The following EPB41L1 variants were observed in gnomAD, a reference collection of about 807,000 sequenced individuals.
EPB41L1 encodes the protein erythrocyte membrane protein band 4.1 like 1, also known as band 4.1-like protein 1.
A neutral mutation model predicts 97.8 loss-of-function variants in EPB41L1; 29 were observed. That is an observed-to-expected ratio of 0.30 (90% CI 0.22 to 0.40). EPB41L1 has a LOEUF of 0.40. Ranked by LOEUF, EPB41L1 falls within the 10% of genes least tolerant of loss-of-function variation. The probability of loss-of-function intolerance (pLI) is 1.00; values close to 1 mark genes in which losing one functional copy is unlikely to be tolerated. For missense variants in EPB41L1, 812 were observed against 1,162.3 expected, an observed-to-expected ratio of 0.70 and a Z score of 4.38; for synonymous variants, 383 against 459.2, an observed-to-expected ratio of 0.83 and a Z score of 2.12.
At chr20:36,145,375 G>A (rs943065164) in intron 2 of EPB41L1, among the ~76,000 whole-genome samples, 7 of 140,188 alleles carry the variant, frequency 5.0e-5, no homozygotes, top group East Asian at 2.1e-4. Context: ...CAGCCTGGGC[G>A]ACAGAGGGAG....
At chr20:36,162,378 G>T (rs1288219532) in intron 1 of EPB41L1, among the ~76,000 whole-genome samples, 1 of 152,248 alleles carries the variant, frequency 6.6e-6, no homozygotes, top group Non-Finnish European at 1.5e-5. Flanking sequence ...CAAGTTGGAG[G>T]TCGTGGGATG....
At chr20:36,137,940 A>T (rs373288115) in intron 2 of EPB41L1, among the ~76,000 whole-genome samples, 3 of 152,242 alleles carry the variant, frequency 2.0e-5, no homozygotes, top group African/African-American at 7.2e-5. Context: ...ATTGGACTAG[A>T]TACCTCAGAT....
At chr20:36,184,906 T>C (rs1206687691) in intron 6 of EPB41L1, among the ~76,000 whole-genome samples, 1 of 152,192 alleles carries the variant, frequency 6.6e-6, no homozygotes, top group African/African-American at 2.4e-5. Flanking sequence ...TCCCTCAAAT[T>C]TAGAAATGCA....
At chr20:36,127,151 C>T (rs115315847) in intron 2 of EPB41L1, among the ~76,000 whole-genome samples, 1,597 of 152,252 alleles carry the variant, frequency 0.01, 27 homozygotes, top group African/African-American at 0.037. Flanking sequence ...GAGATGAGCT[C>T]AGAGATATGA....
At chr20:36,185,617 T>C (rs553487377) in intron 7 of EPB41L1, among the ~76,000 whole-genome samples, 3 of 152,314 alleles carry the variant, frequency 2.0e-5, no homozygotes, top group South Asian at 4.1e-4. Context: ...ATCTGCCAAC[T>C]GGAGAAAATA....
intron 1 of EPB41L1, among the ~76,000 whole-genome samples, chr20:36,105,197 G>A (rs1228368199): frequency 2.0e-5 from 3 of 152,156 alleles, no homozygotes; most frequent in East Asian, 1.9e-4. Flanking sequence ...GCACCCTAGC[G>A]TCTGTGGGCC....
intron 14 of EPB41L1, chr20:36,205,915 G>C: frequency 7.8e-7 from 1 of 1,289,882 alleles, no homozygotes; most frequent in South Asian, 1.2e-5. Context: ...TCTCCTAAAA[G>C]TGACCACCAT....
chr20:36,168,831 C>T (rs1170993288), intron 1 of EPB41L1, among the ~76,000 whole-genome samples: 8 of 151,932 alleles, frequency 5.3e-5, no homozygotes, highest in African/African-American at 1.9e-4. Flanking sequence ...GTATTACAGG[C>T]GTGAGCCGCC....
At chr20:36,147,868 G>A (rs896812623) in intron 2 of EPB41L1, among the ~76,000 whole-genome samples, 11 of 152,146 alleles carry the variant, frequency 7.2e-5, no homozygotes, top group African/African-American at 1.9e-4. Flanking sequence ...GGCACCCGAC[G>A]GGAGGCTGGG....
intron 1 of EPB41L1, among the ~76,000 whole-genome samples, chr20:36,165,038 G>A (rs2145726773): frequency 6.6e-6 from 1 of 152,128 alleles, no homozygotes; most frequent in South Asian, 2.1e-4. Context: ...CTGGAGTGCA[G>A]TGGTGCGATC....
At chr20:36,187,833 A>G in intron 8 of EPB41L1, 70 bp downstream of exon 8, 2 of 1,400,588 alleles carry the variant, frequency 1.4e-6, no homozygotes, top group Non-Finnish European at 2.0e-6. Flanking sequence ...GCCTTTCCCT[A>G]GGGCGTGGTG....
intron 11 of EPB41L1, among the ~76,000 whole-genome samples, chr20:36,191,051 C>T (rs371825167): frequency 2.6e-5 from 4 of 152,222 alleles, no homozygotes; most frequent in African/African-American, 9.6e-5. Flanking sequence ...GAGTCGTGGT[C>T]TTTTGGGGTC....
At position 36,190,688 on chromosome 20, in the gene EPB41L1, G is replaced by T. The variant is rs745410511; in HGVS notation, c.1191G>T (p.Gly397=). The part of the protein sequence containing the change: ...LVMGSKFRYS[G]RTQAQTRQAS... ...TGGGCTCCAAGTTCCGGTACAGTGG[G>T]AGGACCCAGGCACAGACTCGCCAGG... is the stretch of plus-strand genomic sequence containing the variant. The change falls in exon 11 of 22, where the codon GGG becomes GGT. Residue 397 remains glycine, a synonymous_variant. Transcript: ENST00000338074. The surrounding 1 kb of genome is among the most constrained non-coding windows in gnomAD (Gnocchi z 5.8). The T allele has an allele frequency of 6.2e-6, 10 of 1,614,112 alleles. No homozygotes were observed. Among genetic ancestry groups the T allele is most frequent in the Non-Finnish European group, 7.6e-6 (9 of 1,180,034 alleles).
At chr20:36,201,820 A>G (rs1418467617) in intron 14 of EPB41L1, among the ~76,000 whole-genome samples, 1 of 152,108 alleles carries the variant, frequency 6.6e-6, no homozygotes, top group East Asian at 1.9e-4. Flanking sequence ...CAGGGTTGGA[A>G]GCTACTGAGC....
In EPB41L1 at chr20:36,092,570, G is replaced by T. The variant is rs1483762652; in HGVS notation, c.-65+958G>T. On this transcript the variant is annotated intron_variant, in intron 1 of 19. Transcript: ENST00000202028. This position sits in a 1 kb window ranked among gnomAD's most constrained non-coding sequence, Gnocchi z 7.0. ...TCGTTCGCCCGCCCGCTGCTGCTTG[G>T]GGGGCCGGGATCGCCGCCGCCTCCT... The T allele has an allele frequency of 6.6e-6, 1 of 151,992 alleles. No individual in the cohort carries two copies. Among genetic ancestry groups the T allele is most frequent in the Non-Finnish European group, 1.5e-5 (1 of 68,094 alleles). The allele number at this position is 151,992 out of a possible 1,614,324, so 9.4% of individuals were successfully genotyped here. A position where few individuals can be genotyped will look rare whatever the true frequency, so the allele number is the denominator to read the frequency against.
intron 14 of EPB41L1, chr20:36,205,817 T>C: frequency 7.9e-7 from 1 of 1,263,668 alleles, no homozygotes; most frequent in Non-Finnish European, 1.0e-6. Context: ...TGATATTTCA[T>C]GTTAACTCTT....
chr20:36,153,126 T>C (rs2060123309), upstream of EPB41L1: 1 of 456,480 alleles, frequency 2.2e-6, no homozygotes, highest in South Asian at 1.5e-5. Flanking sequence ...GAAGGCTTGC[T>C]TTGGGCATGG....
intron 11 of EPB41L1, among the ~76,000 whole-genome samples, chr20:36,193,283 C>A (rs1465787843): frequency 6.6e-6 from 1 of 152,212 alleles, no homozygotes; most frequent in Non-Finnish European, 1.5e-5. Flanking sequence ...TGTCTCCAGT[C>A]ATCCTCTGTA....
At position 36,212,372 on chromosome 20, in the gene EPB41L1, C is replaced by A. The variant is rs766043445; in HGVS notation, c.2180C>A (p.Thr727Asn). The A allele has an allele frequency of 5.0e-6, 8 of 1,613,804 alleles. No individual in the cohort carries two copies. The highest frequency in any genetic ancestry group is 6.8e-6 in the Non-Finnish European group (8 of 1,179,800). The change falls in exon 16 of 22, where the codon ACC (threonine) becomes AAC (asparagine). Residue 727 changes from threonine to asparagine, a missense_variant. By Grantham distance (65) the Thr-to-Asn change is moderately conservative. Transcript: ENST00000338074. This position sits in a 1 kb window ranked among gnomAD's most constrained non-coding sequence, Gnocchi z 4.8. The part of the protein sequence containing the change: ...LQTRVSAMDN[T>N]QQVDGSASVG... Reference sequence around the variant, plus strand: ...ACCAGAGTCTCCGCTATGGATAACACCCAGGTAACTTGTGCCTTCCAATGT... The same window carrying A: ...ACCAGAGTCTCCGCTATGGATAACAACCAGGTAACTTGTGCCTTCCAATGT...
Sources: gnomAD v4.1 joint callset for allele counts (sites outside exome capture counted in the v4.1 genomes callset) on GRCh38, gnomAD v4.1.1 for gene constraint, Gnocchi (gnomAD v3.1) non-coding constraint, MANE v1.5 for transcripts, NCBI Gene and HGNC (gene_info 2026-07-23, HGNC 2026-07-21) for gene names.